Variants in NEK11 observed in about 807,000 individuals in gnomAD.
NEK11 encodes NIMA related kinase 11.
In NEK11, 72 loss-of-function variants were observed where a neutral mutation model predicts 80.7. That is an observed-to-expected ratio of 0.89 (90% confidence interval 0.74 to 1.08). The LOEUF is 1.08. Ranked by LOEUF, NEK11 falls within the 50% of genes least tolerant of loss-of-function variation. The pLI is 0.00. For synonymous variants in NEK11, 251 were observed against 260.7 expected (o/e 0.96, Z 0.36); for missense variants, 764 against 763.6 (o/e 1.00, Z -0.01).
At chr3:131,027,124 C>T (rs141930794) in intron 1 of NEK11, 118 bp downstream of exon 1, 1,606 of 152,380 alleles carry the variant, frequency 0.011, 24 homozygotes, top group East Asian at 0.074. Flanking sequence ...GCGATCTCCT[C>T]GCTTTCCTGG....
At chr3:131,118,544 A>G (rs2081731979) in intron 5 of NEK11, among the ~76,000 whole-genome samples, 1 of 152,214 alleles carries the variant, frequency 6.6e-6, no homozygotes, top group Non-Finnish European at 1.5e-5. Flanking sequence ...TTCAGAAGGA[A>G]TGATACCAAT....
At chr3:131,102,565 C>T (rs1381897917) in intron 4 of NEK11, among the ~76,000 whole-genome samples, 1 of 152,158 alleles carries the variant, frequency 6.6e-6, no homozygotes, top group Non-Finnish European at 1.5e-5. Context: ...TGATGGGTTT[C>T]CCTCTGTGCA....
intron 5 of NEK11, among the ~76,000 whole-genome samples, chr3:131,121,247 G>C (rs1272314699): frequency 1.1e-4 from 16 of 152,196 alleles, no homozygotes; most frequent in Admixed American, 1.0e-3. Context: ...TTTGCTGGAG[G>C]TCCATTGCAG....
chr3:131,216,688 A>C (rs1399724911), intron 14 of NEK11, among the ~76,000 whole-genome samples: 3 of 152,058 alleles, frequency 2.0e-5, no homozygotes, highest in Non-Finnish European at 4.4e-5. Context: ...TGAGTGTTAA[A>C]AGATACCTGG....
At chr3:131,291,531 G>T (rs1392987950) in intron 17 of NEK11, among the ~76,000 whole-genome samples, 2 of 152,148 alleles carry the variant, frequency 1.3e-5, no homozygotes, top group Admixed American at 6.5e-5. Context: ...CCTCCAAACT[G>T]TCTTCCAAAA....
intron 14 of NEK11, among the ~76,000 whole-genome samples, chr3:131,209,282 T>G (rs1193531291): frequency 6.6e-6 from 1 of 152,200 alleles, no homozygotes; most frequent in Admixed American, 6.5e-5. Flanking sequence ...TTATGTTTAT[T>G]GATTTGCATA....
At chr3:131,227,774 A>G (rs2095241273) in intron 14 of NEK11, among the ~76,000 whole-genome samples, 2 of 152,068 alleles carry the variant, frequency 1.3e-5, no homozygotes, top group South Asian at 4.2e-4. Context: ...TTATATTGTT[A>G]TGCTTTCTTG....
chr3:131,051,582 C>A, intron 3 of NEK11, among the ~76,000 whole-genome samples: 1 of 152,150 alleles, frequency 6.6e-6, no homozygotes, highest in East Asian at 1.9e-4. Context: ...TCACACAAGA[C>A]CCTACATATC....
intron 17 of NEK11, among the ~76,000 whole-genome samples, chr3:131,342,201 G>T (rs889072700): frequency 6.6e-6 from 1 of 152,184 alleles, no homozygotes; most frequent in South Asian, 2.1e-4. Flanking sequence ...GAGCTGTTCT[G>T]TCTTTGCCCA....
At chr3:131,238,790 T>C (rs1018395225) in intron 15 of NEK11, among the ~76,000 whole-genome samples, 4 of 152,126 alleles carry the variant, frequency 2.6e-5, no homozygotes, top group Admixed American at 2.6e-4. Context: ...CAAAAAGATC[T>C]TGGGGATGAT....
intron 4 of NEK11, among the ~76,000 whole-genome samples, chr3:131,094,460 C>T (rs1247040501): frequency 6.6e-6 from 1 of 152,060 alleles, no homozygotes; most frequent in Non-Finnish European, 1.5e-5. Context: ...GATCTGACTG[C>T]CATCAATCAG....
At chr3:131,309,226 C>T (rs1179503410) in intron 17 of NEK11, among the ~76,000 whole-genome samples, 2 of 152,174 alleles carry the variant, frequency 1.3e-5, no homozygotes, top group Non-Finnish European at 2.9e-5. Context: ...CTTTGGGATT[C>T]TTGTTGTCTG....
chr3:131,077,749 TG>T (rs2074598009), intron 3 of NEK11, among the ~76,000 whole-genome samples: 1 of 152,244 alleles, frequency 6.6e-6, no homozygotes. Flanking sequence ...GTGCTTCGCC[TG>T]CTGCTTTGTA....
intron 17 of NEK11, among the ~76,000 whole-genome samples, chr3:131,274,723 G>A (rs1227294344): frequency 6.3e-5 from 8 of 126,998 alleles, no homozygotes; most frequent in African/African-American, 1.8e-4. Context: ...GCGCAATCTC[G>A]GCTCACTGCA....
chr3:131,047,070 G>A (rs963342833), intron 3 of NEK11, among the ~76,000 whole-genome samples: 10 of 152,058 alleles, frequency 6.6e-5, no homozygotes, highest in Admixed American at 3.9e-4. Flanking sequence ...TCTACTTGTC[G>A]ATTCTATTGC....
chr3:131,105,665 C>T (rs1388347603), intron 4 of NEK11, among the ~76,000 whole-genome samples: 1 of 152,158 alleles, frequency 6.6e-6, no homozygotes, highest in Non-Finnish European at 1.5e-5. Context: ...ATCAGATCTT[C>T]TGAGACTCAC....
At chr3:131,288,852 G>A (rs1481955998) in intron 17 of NEK11, among the ~76,000 whole-genome samples, 2 of 152,068 alleles carry the variant, frequency 1.3e-5, no homozygotes, top group African/African-American at 4.8e-5. Context: ...TTAATGTTTT[G>A]TATAGTATAA....
At chr3:131,335,207 G>A (rs2097161222) in intron 17 of NEK11, among the ~76,000 whole-genome samples, 1 of 152,178 alleles carries the variant, frequency 6.6e-6, no homozygotes, top group South Asian at 2.1e-4. Context: ...GAACATTGAT[G>A]CAAAAATCCT....
chr3:131,105,561 C>A (rs1163993587), intron 4 of NEK11, among the ~76,000 whole-genome samples: 1 of 152,180 alleles, frequency 6.6e-6, no homozygotes, highest in Non-Finnish European at 1.5e-5. Flanking sequence ...AGCTTATAAT[C>A]ATGTTGGAAG....
Sources: allele counts gnomAD v4.1 joint callset (sites outside exome capture counted in the v4.1 genomes callset), GRCh38; gene constraint gnomAD v4.1.1; transcripts MANE v1.5; gene names NCBI Gene and HGNC (gene_info 2026-07-23, HGNC 2026-07-21).